Variants in ELP6 observed in about 807,000 individuals in gnomAD.
ELP6 encodes the protein elongator acetyltransferase complex subunit 6.
A neutral mutation model predicts 28.1 loss-of-function variants in ELP6; 23 were observed. The ratio of observed to expected loss-of-function variants is 0.82; its 90% confidence interval spans 0.59 to 1.16. The LOEUF (loss-of-function observed/expected upper bound fraction) is 1.16, where lower values mean the gene tolerates loss of function less well. ELP6 is among the 50% of genes most tolerant of loss of function. The pLI is 0.00. For missense variants in ELP6, 313 were observed against 334.6 expected (o/e 0.94, Z 0.50); for synonymous variants, 132 against 135.8 (o/e 0.97, Z 0.19).
At chr3:47,511,654 G>A in intron 1 of ELP6, 1 of 570,618 alleles carries the variant, frequency 1.8e-6, no homozygotes, top group Non-Finnish European at 2.3e-6. Context: ...TTTATATTCT[G>A]ATGCCAATTC....
intron 3 of ELP6, among the ~76,000 whole-genome samples, chr3:47,509,773 CTTT>C (rs141981098): frequency 7.1e-6 from 1 of 141,584 alleles, no homozygotes; most frequent in South Asian, 2.3e-4. Context: ...CCCAAGATTT[CTTT>C]TTTTTTTTTT....
At position 47,500,030 on chromosome 3, in the gene ELP6, C is replaced by T. The variant is rs1035656652; in HGVS notation, c.526-1598G>A. ...AAATATGTGGCTAGCTGGAGGCTCT[C>T]GCACATCCATGCTTTTGAGCAGAAA... On this transcript the variant is annotated intron_variant, in intron 5 of 6. Transcript: ENST00000296149. 20 of 1,292,844 alleles carry T rather than the reference C, an allele frequency of 1.5e-5. 1 individual carries two copies. Among genetic ancestry groups the T allele is most frequent in the East Asian group, 5.2e-5 (1 of 19,140 alleles). The allele number at this position is 1,292,844 out of a possible 1,614,324, so 80.1% of individuals were successfully genotyped here.
chr3:47,512,642 G>A, intron 1 of ELP6: 1 of 985,464 alleles, frequency 1.0e-6, no homozygotes, highest in South Asian at 4.7e-5. Context: ...GTACCCCGGA[G>A]TGTGAGGAGG....
rs564442999 is a variant in ELP6 at position 47,502,336 on chromosome 3, G to A, written c.324-485C>T. 5 of 854,408 alleles carry A rather than the reference G, an allele frequency of 5.9e-6. No individual in the cohort carries two copies. In the South Asian group the frequency reaches 2.7e-4, roughly 46 times the overall value. The allele number at this position is 854,408 out of a possible 1,614,324, so 52.9% of individuals were successfully genotyped here. On this transcript the variant is annotated intron_variant, in intron 4 of 6. Coordinates refer to ENST00000296149, the MANE Select transcript of ELP6 (RefSeq NM_001031703.3). The stretch of plus-strand genomic sequence containing the variant: ...GAGGCAGGAGAATTGCTTGAACCTG[G>A]GAGACGGAAGTTGCAGTGAGCCACG...
intron 3 of ELP6, among the ~76,000 whole-genome samples, chr3:47,506,340 G>C (rs981888270): frequency 2.6e-5 from 4 of 152,160 alleles, no homozygotes; most frequent in Non-Finnish European, 5.9e-5. Flanking sequence ...CAGGAGACAG[G>C]GTTTTGAGAG....
intron 1 of ELP6, chr3:47,512,591 G>C (rs1237170541): frequency 2.0e-6 from 2 of 984,458 alleles, no homozygotes; most frequent in Non-Finnish European, 2.4e-6. Flanking sequence ...ATACACTCCT[G>C]AAAGAGGTTA....
At position 47,501,773 on chromosome 3, in the gene ELP6, A is replaced by T. The variant is rs531080594; in HGVS notation, c.402T>A (p.Ala134=). 7 of 1,606,512 alleles carry T rather than the reference A, an allele frequency of 4.4e-6. No homozygotes were observed. The South Asian group carries it at 7.7e-5, about 18-fold the overall frequency. ...EALKPVDSGE[A]RWTYPVLLVD... ...CCAACAGCACCGGGTACGTCCACCG[A>T]GCCTCTCCACTGTCTACTGGCTTCA... Residue 134 remains alanine, a synonymous_variant, in exon 5 of 7, where the codon GCT becomes GCA. Coordinates refer to ENST00000296149, the MANE Select transcript of ELP6 (RefSeq NM_001031703.3).
intron 4 of ELP6, among the ~76,000 whole-genome samples, chr3:47,502,880 T>C (rs950580609): frequency 6.6e-6 from 1 of 152,100 alleles, no homozygotes; most frequent in African/African-American, 2.4e-5. Flanking sequence ...AGCAACTCAG[T>C]TGCCCTGATG....
intron 5 of ELP6, chr3:47,499,827 G>A: frequency 8.6e-7 from 1 of 1,157,762 alleles, no homozygotes; most frequent in Non-Finnish European, 1.1e-6. Flanking sequence ...GGCCCCAGCT[G>A]GACTGCTGCC....
chr3:47,505,182 G>A (rs1397824497), intron 3 of ELP6, among the ~76,000 whole-genome samples: 1 of 151,938 alleles, frequency 6.6e-6, no homozygotes, highest in Non-Finnish European at 1.5e-5. Context: ...CAGGAGAATT[G>A]CTTGAACTGG....
intron 3 of ELP6, 164 bp downstream of exon 3, chr3:47,510,020 A>G (rs1576351302): frequency 1.8e-6 from 1 of 557,838 alleles, no homozygotes; most frequent in East Asian, 3.0e-5. Flanking sequence ...TTGGCCTCCC[A>G]AAGTGCTGGG....
Position 47,501,854 on chromosome 3 carries a change from G to A in ELP6, c.324-3C>T, listed in dbSNP as rs1389180818. On this transcript the variant is annotated splice_polypyrimidine_tract_variant and splice_region_variant and intron_variant, in intron 4 of 6. Coordinates refer to ENST00000296149, the MANE Select transcript of ELP6 (RefSeq NM_001031703.3). ...TCAAGTTCCCAGCATTAGCCTCCCT[G>A]GAGAGACAGGACAAAAGTTACCAGA... 1 of 1,610,788 alleles carries A rather than the reference G, an allele frequency of 6.2e-7. No homozygotes were observed. The highest frequency in any genetic ancestry group is 1.3e-5 in the African/African-American group (1 of 74,882).
chr3:47,499,536 A>AG (rs1553655960), intron 5 of ELP6, among the ~76,000 whole-genome samples: 1 of 119,546 alleles, frequency 8.4e-6, no homozygotes, highest in African/African-American at 3.2e-5. Flanking sequence ...AAAAAAAAAA[A>AG]AGCCAGGCGT....
intron 1 of ELP6, chr3:47,513,049 G>A: frequency 2.0e-6 from 2 of 977,182 alleles, no homozygotes; most frequent in East Asian, 2.3e-4. Flanking sequence ...GGAGTGCGGT[G>A]GCGAGATCTC....
chr3:47,507,635 A>C (rs1310542187), intron 3 of ELP6, among the ~76,000 whole-genome samples: 2 of 151,648 alleles, frequency 1.3e-5, no homozygotes, highest in Non-Finnish European at 2.9e-5. Context: ...TTCTCCAAAA[A>C]AAAAAAAAAA....
In ELP6 at chr3:47,502,342, G is replaced by A. The variant is rs931429794; in HGVS notation, c.324-491C>T. ...GGAGAATTGCTTGAACCTGGGAGAC[G>A]GAAGTTGCAGTGAGCCACGACTGAG... is the stretch of plus-strand genomic sequence containing the variant. On this transcript the variant is annotated intron_variant, in intron 4 of 6. Coordinates refer to ENST00000296149, the MANE Select transcript of ELP6 (RefSeq NM_001031703.3). 7.3e-5 allele frequency: 65 copies of A among 885,206 alleles called. 1 individual carries two copies. Among genetic ancestry groups the A allele is most frequent in the Admixed American group, 2.5e-4 (4 of 15,910 alleles). 54.8% of individuals were successfully genotyped at this position (885,206 alleles called of 1,614,324 possible). A position where few individuals can be genotyped will look rare whatever the true frequency, so the allele number is the denominator to read the frequency against.
intron 3 of ELP6, among the ~76,000 whole-genome samples, chr3:47,508,767 T>C (rs1438699418): frequency 2.8e-5 from 4 of 143,840 alleles, no homozygotes; most frequent in Non-Finnish European, 6.1e-5. Context: ...TTTTTTTCCT[T>C]TTTTTTTTTT....
intron 1 of ELP6, 59 bp downstream of exon 1, chr3:47,513,478 A>G: frequency 1.3e-6 from 2 of 1,584,840 alleles, no homozygotes; most frequent in African/African-American, 1.4e-5. Flanking sequence ...CGCCTCCCGG[A>G]TGCAGTATTC....
chr3:47,498,803 T>C (rs1240959157), intron 5 of ELP6: 2 of 721,382 alleles, frequency 2.8e-6, no homozygotes, highest in African/African-American at 3.8e-5. Context: ...GATCCCACAG[T>C]AGGAATAACA....
Sources: allele counts gnomAD v4.1 joint callset (sites outside exome capture counted in the v4.1 genomes callset), GRCh38; gene constraint gnomAD v4.1.1; transcripts MANE v1.5; gene names NCBI Gene and HGNC (gene_info 2026-07-23, HGNC 2026-07-21).